The following PRRC2C variants were observed in gnomAD, a reference collection of about 807,000 sequenced individuals.
PRRC2C encodes the protein protein PRRC2C.
PRRC2C carries 72 observed loss-of-function variants against 317.2 expected under a neutral mutation model. The observed-to-expected ratio is 0.23, with a 90% CI of 0.19 to 0.28. The LOEUF is 0.28. Ranked by LOEUF, PRRC2C falls within the 10% of genes least tolerant of loss-of-function variation. The pLI, the probability that PRRC2C is intolerant of heterozygous loss-of-function variation, is 1.00. For synonymous variants in PRRC2C, 1,296 were observed against 1,205.9 expected (o/e 1.07, Z -1.55); for missense variants, 3,074 against 3,459.7 (o/e 0.89, Z 2.80).
At chr1:171,575,380 T>TA (rs1307636361) in intron 25 of PRRC2C, among the ~76,000 whole-genome samples, 1 of 152,176 alleles carries the variant, frequency 6.6e-6, no homozygotes, top group African/African-American at 2.4e-5. Flanking sequence ...TATGTACAAC[T>TA]AACTAGATCA....
chr1:171,487,800 A>G (rs1264484075), intron 1 of PRRC2C, among the ~76,000 whole-genome samples: 3 of 152,218 alleles, frequency 2.0e-5, no homozygotes, highest in African/African-American at 7.2e-5. Flanking sequence ...TATTGGTAGA[A>G]GAAAATACTC....
chr1:171,545,422 A>G (rs1292628362), intron 16 of PRRC2C, 57 bp from the exon 17 acceptor site: 4 of 1,433,718 alleles, frequency 2.8e-6, no homozygotes, highest in East Asian at 2.5e-5. Flanking sequence ...CAATAAGAGC[A>G]TTTTTCTTTT....
In PRRC2C at chr1:171,532,932, A is replaced by C; in HGVS notation, c.1844A>C (p.Lys615Thr). 6.4e-7 allele frequency: 1 copy of C among 1,562,818 alleles called. No individual in the cohort carries two copies. Among genetic ancestry groups the C allele is most frequent in the Non-Finnish European group, 8.6e-7 (1 of 1,165,738 alleles). ...REPNLEPMVE[K>T]QESENSCNKE... ...CCTAATTTAGAGCCCATGGTAGAAA[A>C]ACAAGAAAGTGAAAACAGCTGTAAT... is the stretch of plus-strand genomic sequence containing the variant. The change falls in exon 12 of 35, where the codon AAA becomes ACA. Residue 615 changes from lysine to threonine, a missense_variant. By Grantham distance (78) the Lys-to-Thr change is moderately conservative. Transcript: ENST00000647382.
At chr1:171,573,813 G>A (rs1685221814) in intron 24 of PRRC2C, among the ~76,000 whole-genome samples, 1 of 150,876 alleles carries the variant, frequency 6.6e-6, no homozygotes, top group Admixed American at 6.7e-5. Flanking sequence ...CGAGTAGCTG[G>A]ATTTACAGGC....
In PRRC2C at chr1:171,535,464, G is replaced by A. The variant is rs752254533; in HGVS notation, c.1910G>A (p.Arg637His). Residue 637 changes from arginine to histidine, a missense_variant, in exon 13 of 35, where the codon CGC (arginine) becomes CAC (histidine). Around this residue, in one of 11 missense-constraint regions of PRRC2C, gnomAD observed 1,320 missense variants for 1,395.7 expected, o/e 0.95. Transcript: ENST00000647382. ...GTTTTCACTAGACAAGACAGCAATC[G>A]CAGTGAAAAGGAAGCCACACCAGTG... ...EPVFTRQDSN[R>H]SEKEATPVVH... 1.8e-5 allele frequency: 29 copies of A among 1,613,598 alleles called. No homozygotes were observed. Among genetic ancestry groups the A allele is most frequent in the Non-Finnish European group, 2.0e-5 (24 of 1,179,812 alleles).
Position 171,522,271 on chromosome 1 carries a change from A to G in PRRC2C, c.833+12A>G. 6.6e-7 allele frequency: 1 copy of G among 1,525,402 alleles called. No individual in the cohort carries two copies. 94.5% of individuals were successfully genotyped at this position (1,525,402 alleles called of 1,614,324 possible). ...TCTGAAACAAACAAGTAAGGCTATT[A>G]AATGATTAAAGTCTGTAAGGAATAT... On this transcript the variant is annotated intron_variant, in intron 7 of 34. Coordinates refer to ENST00000647382, the MANE Select transcript of PRRC2C (RefSeq NM_001387844.1).
rs1736630 is a variant in PRRC2C at position 171,577,707 on chromosome 1, C to T, written c.7159+70C>T. 67 of 1,369,136 alleles carry T rather than the reference C, an allele frequency of 4.9e-5. No individual in the cohort carries two copies. In the African/African-American group the frequency reaches 6.3e-4, roughly 13 times the overall value. 84.8% of individuals were successfully genotyped at this position (1,369,136 alleles called of 1,614,324 possible). Reference sequence around the variant, plus strand: ...CTTACTAAAATGCTTATTTTTGTCTCTTCTTACCCTTTCAGCTAAGCATAA... The same window carrying T: ...CTTACTAAAATGCTTATTTTTGTCTTTTCTTACCCTTTCAGCTAAGCATAA... On this transcript the variant is annotated intron_variant, in intron 26 of 34. Transcript: ENST00000647382.
chr1:171,550,174 A>G lies in PRRC2C; in HGVS notation c.5061A>G (p.Val1687=). 4 of 1,607,982 alleles carry G rather than the reference A, an allele frequency of 2.5e-6. No homozygotes were observed. The highest frequency in any genetic ancestry group is 3.4e-6 in the Non-Finnish European group (4 of 1,176,732). The change falls in exon 18 of 35, where the codon GTA becomes GTG. Residue 1687 remains valine, a synonymous_variant. Coordinates refer to ENST00000647382, the MANE Select transcript of PRRC2C (RefSeq NM_001387844.1). ...NLNDDGFTEV[V]SKKQQKRLQD... ...ATGATGATGGTTTTACTGAAGTGGTATCCAAAAAACAACAAAAACGTTTAC... is the reference window on the plus strand; with the variant it reads ...ATGATGATGGTTTTACTGAAGTGGTGTCCAAAAAACAACAAAAACGTTTAC...
chr1:171,519,653 T>A (rs1286557558), intron 6 of PRRC2C, among the ~76,000 whole-genome samples: 1 of 152,152 alleles, frequency 6.6e-6, no homozygotes, highest in Admixed American at 6.5e-5. Context: ...GTAAAACAAG[T>A]CACATGTGCC....
intron 24 of PRRC2C, among the ~76,000 whole-genome samples, chr1:171,571,642 T>A (rs915812412): frequency 6.6e-6 from 1 of 152,194 alleles, no homozygotes; most frequent in Non-Finnish European, 1.5e-5. Context: ...CCTATTATGC[T>A]TGTGAATTTT....
intron 1 of PRRC2C, among the ~76,000 whole-genome samples, chr1:171,502,134 A>G (rs1669214356): frequency 6.6e-6 from 1 of 152,164 alleles, no homozygotes; most frequent in Non-Finnish European, 1.5e-5. Context: ...CTTCTAATCC[A>G]AGGCTCTGCA....
intron 6 of PRRC2C, among the ~76,000 whole-genome samples, chr1:171,518,616 G>A (rs568418120): frequency 7.6e-6 from 1 of 130,832 alleles, no homozygotes; most frequent in South Asian, 2.5e-4. Flanking sequence ...TTGTGCCTCC[G>A]CCTCCCGAGT....
chr1:171,554,582 G>A (rs932039991), intron 18 of PRRC2C, among the ~76,000 whole-genome samples: 10 of 152,120 alleles, frequency 6.6e-5, no homozygotes, highest in Admixed American at 5.9e-4. Context: ...TTACAATTTG[G>A]CATGTTTTTG....
In PRRC2C at chr1:171,527,781, T is replaced by C; in HGVS notation, c.1201-10T>C. 2 of 1,562,216 alleles carry C rather than the reference T, an allele frequency of 1.3e-6. No individual in the cohort carries two copies. The highest frequency in any genetic ancestry group is 1.2e-5 in the South Asian group (1 of 84,822). On this transcript the variant is annotated splice_polypyrimidine_tract_variant and intron_variant, in intron 10 of 34. Transcript: ENST00000647382. ...AAATAATAAGAATAATTCTTTCTTC[T>C]TTATAATAGGAACGTGGAACATCTT...
intron 24 of PRRC2C, among the ~76,000 whole-genome samples, chr1:171,573,673 CTT>C (rs1024285954): frequency 1.9e-4 from 16 of 85,812 alleles, no homozygotes; most frequent in African/African-American, 7.0e-4. Flanking sequence ...TCTCAAAATT[CTT>C]TTTTTTTTTT....
At chr1:171,508,887 T>C (rs1320459224) in intron 1 of PRRC2C, among the ~76,000 whole-genome samples, 2 of 152,172 alleles carry the variant, frequency 1.3e-5, no homozygotes, top group Non-Finnish European at 2.9e-5. Context: ...TTTTTTCTTT[T>C]TCTTTTTCCT....
intron 17 of PRRC2C, among the ~76,000 whole-genome samples, chr1:171,548,991 A>G (rs903909726): frequency 6.6e-6 from 1 of 152,142 alleles, no homozygotes; most frequent in Non-Finnish European, 1.5e-5. Context: ...AGCTGGGACC[A>G]CAGGCATGCG....
chr1:171,527,494 C>A (rs1414233022), intron 10 of PRRC2C, among the ~76,000 whole-genome samples: 1 of 151,730 alleles, frequency 6.6e-6, no homozygotes, highest in Non-Finnish European at 1.5e-5. Flanking sequence ...TGGTGGCTCA[C>A]ATCTGTAATC....
At chr1:171,548,180 G>A (rs1206612523) in intron 17 of PRRC2C, among the ~76,000 whole-genome samples, 1 of 151,672 alleles carries the variant, frequency 6.6e-6, no homozygotes, top group East Asian at 1.9e-4. Flanking sequence ...TGTTAGCCAG[G>A]CTAGTCAGGA....
Sources: allele counts gnomAD v4.1 joint callset (sites outside exome capture counted in the v4.1 genomes callset), GRCh38; gene constraint gnomAD v4.1.1; regional missense constraint gnomAD v4.1.1; transcripts MANE v1.5; gene names NCBI Gene and HGNC (gene_info 2026-07-23, HGNC 2026-07-21).